Variants in COL25A1 observed in about 807,000 individuals in gnomAD.
COL25A1 encodes collagen type XXV alpha 1 chain, also known as collagen alpha-1(XXV) chain.
A neutral mutation model predicts 128.4 loss-of-function variants in COL25A1; 103 were observed. The ratio of observed to expected loss-of-function variants is 0.80; its 90% CI spans 0.68 to 0.94. The LOEUF is 0.94. COL25A1 is among the 40% of genes least tolerant of loss of function. The pLI is 0.00. For missense variants in COL25A1, 745 were observed against 840.0 expected, an observed-to-expected ratio of 0.89 and a Z score of 1.40; for synonymous variants, 279 against 277.2, an observed-to-expected ratio of 1.01 and a Z score of -0.06.
chr4:108,868,690 C>A (rs1204927530), intron 20 of COL25A1, among the ~76,000 whole-genome samples: 9 of 106,432 alleles, frequency 8.5e-5, no homozygotes, highest in Admixed American at 2.6e-4. Flanking sequence ...GGAAGGGAAG[C>A]GAAGGGAAGG....
chr4:109,236,556 T>C (rs971245222), intron 3 of COL25A1, among the ~76,000 whole-genome samples: 1 of 152,100 alleles, frequency 6.6e-6, no homozygotes, highest in African/African-American at 2.4e-5. Context: ...GAATATATTA[T>C]GTTCAATCTA....
At chr4:108,974,658 G>A in intron 6 of COL25A1, 99 bp from the exon 7 acceptor site, 1 of 974,606 alleles carries the variant, frequency 1.0e-6, no homozygotes, top group South Asian at 1.7e-5. Flanking sequence ...AAAGAATACA[G>A]AGATAGCTGT....
At chr4:109,102,389 TA>T (rs2126024159) in intron 3 of COL25A1, among the ~76,000 whole-genome samples, 1 of 152,250 alleles carries the variant, frequency 6.6e-6, no homozygotes, top group Admixed American at 6.5e-5. Flanking sequence ...TCAATCCTCT[TA>T]AATTTATTGA....
At chr4:109,289,837 C>T (rs76809389) in intron 3 of COL25A1, among the ~76,000 whole-genome samples, 3,433 of 152,084 alleles carry the variant, frequency 0.023, 135 homozygotes, top group African/African-American at 0.077. Flanking sequence ...CCACGGATCA[C>T]GTTAGGGCAA....
At chr4:109,025,883 C>T (rs753455119) in intron 5 of COL25A1, among the ~76,000 whole-genome samples, 1 of 152,008 alleles carries the variant, frequency 6.6e-6, no homozygotes, top group South Asian at 2.1e-4. Context: ...AATAACGTTT[C>T]CTTAGTCAAA....
intron 13 of COL25A1, among the ~76,000 whole-genome samples, chr4:108,903,455 A>C (rs1291622292): frequency 6.6e-6 from 1 of 152,138 alleles, no homozygotes; most frequent in Non-Finnish European, 1.5e-5. Flanking sequence ...TAGTTTAATC[A>C]TCTATCAAAG....
At chr4:109,233,792 C>T (rs897582734) in intron 3 of COL25A1, among the ~76,000 whole-genome samples, 3 of 152,126 alleles carry the variant, frequency 2.0e-5, no homozygotes, top group African/African-American at 7.2e-5. Context: ...TAATTATAGG[C>T]TTCCAGAGGC....
intron 3 of COL25A1, among the ~76,000 whole-genome samples, chr4:109,125,403 G>A (rs1008477257): frequency 1.3e-5 from 2 of 152,104 alleles, no homozygotes; most frequent in African/African-American, 2.4e-5. Context: ...AATACAGCTG[G>A]CAGGGTGCTG....
intron 11 of COL25A1, among the ~76,000 whole-genome samples, chr4:108,922,065 A>C (rs1460397903): frequency 6.6e-6 from 1 of 152,112 alleles, no homozygotes; most frequent in Non-Finnish European, 1.5e-5. Flanking sequence ...TCTGGAATCC[A>C]TCCTTGTCTC....
intron 6 of COL25A1, among the ~76,000 whole-genome samples, chr4:108,991,735 C>A (rs1340861989): frequency 1.3e-5 from 2 of 152,060 alleles, no homozygotes; most frequent in African/African-American, 4.8e-5. Context: ...CTTCCACTCC[C>A]CGCCCCCAAG....
intron 11 of COL25A1, among the ~76,000 whole-genome samples, chr4:108,933,505 A>G (rs1274872363): frequency 6.6e-6 from 1 of 152,224 alleles, no homozygotes; most frequent in African/African-American, 2.4e-5. Flanking sequence ...GCAATAAATT[A>G]CACTCTTAAT....
Position 109,293,381 on chromosome 4 carries a change from G to A in COL25A1, c.367+7202C>T, listed in dbSNP as rs114792057. ...CTCCCCTCTTTTACTCTCCTTACAC[G>A]TGAACTCTTTGGTAAACAAGGGAAA... On this transcript the variant is annotated intron_variant, in intron 3 of 37. Transcript: ENST00000399132. Among the ~76,000 whole-genome samples, 313 of 151,982 alleles carry A rather than the reference G, an allele frequency of 2.1e-3. 1 individual carries two copies. Among genetic ancestry groups the A allele is most frequent in the African/African-American group, 7.2e-3 (300 of 41,448 alleles).
chr4:108,914,977 C>G (rs1744697331), intron 13 of COL25A1, among the ~76,000 whole-genome samples: 1 of 152,128 alleles, frequency 6.6e-6, no homozygotes, highest in African/African-American at 2.4e-5. Flanking sequence ...AAGTGATTGG[C>G]CCAAATGAGG....
chr4:109,280,431 A>C (rs1578626864), intron 3 of COL25A1, among the ~76,000 whole-genome samples: 1 of 152,232 alleles, frequency 6.6e-6, no homozygotes, highest in Non-Finnish European at 1.5e-5. Context: ...ACCATGCATA[A>C]ACAAATAAAT....
intron 3 of COL25A1, among the ~76,000 whole-genome samples, chr4:109,291,286 T>C (rs1373640671): frequency 6.6e-6 from 1 of 152,292 alleles, no homozygotes; most frequent in South Asian, 2.1e-4. Flanking sequence ...ATACTTTCTA[T>C]GTGAAATGTA....
intron 11 of COL25A1, among the ~76,000 whole-genome samples, chr4:108,925,474 T>C (rs981153578): frequency 2.6e-5 from 4 of 151,774 alleles, no homozygotes; most frequent in East Asian, 1.9e-4. Flanking sequence ...ACACCAAGAG[T>C]TGGGCACATG....
At chr4:108,963,853 A>G (rs1309806608) in intron 8 of COL25A1, among the ~76,000 whole-genome samples, 1 of 151,534 alleles carries the variant, frequency 6.6e-6, no homozygotes, top group Non-Finnish European at 1.5e-5. Flanking sequence ...CATTCTACTT[A>G]ATTTCAAGAA....
chr4:109,223,398 T>TCC (rs1553962753), intron 3 of COL25A1, among the ~76,000 whole-genome samples: 1 of 150,336 alleles, frequency 6.7e-6, no homozygotes, highest in Non-Finnish European at 1.5e-5. Flanking sequence ...ATTCCACATT[T>TCC]CCCCCCCCCA....
chr4:109,149,148 A>T (rs1050244249), intron 3 of COL25A1, among the ~76,000 whole-genome samples: 13 of 152,104 alleles, frequency 8.5e-5, no homozygotes, highest in Non-Finnish European at 1.6e-4. Flanking sequence ...TTATTTTCCA[A>T]CAAAGCGTTT....
Sources: allele counts gnomAD v4.1 joint callset (sites outside exome capture counted in the v4.1 genomes callset), GRCh38; gene constraint gnomAD v4.1.1; transcripts MANE v1.5; gene names NCBI Gene and HGNC (gene_info 2026-07-23, HGNC 2026-07-21).